CAPZA2: variants seen among roughly 807,000 people sequenced by gnomAD.
The protein encoded by CAPZA2 is F-actin-capping protein subunit alpha-2.
Under a neutral mutation model 44.0 loss-of-function variants are expected in CAPZA2, and 13 were observed. That is an observed-to-expected ratio of 0.30 (90% CI 0.19 to 0.47). The LOEUF (loss-of-function observed/expected upper bound fraction) is 0.47, where lower values mean the gene tolerates loss of function less well. Ranked by LOEUF, CAPZA2 falls within the 20% of genes least tolerant of loss-of-function variation. The pLI, the probability that CAPZA2 is intolerant of heterozygous loss-of-function variation, is 1.00. For missense variants in CAPZA2, 244 were observed against 338.6 expected (o/e 0.72, Z 2.19); for synonymous variants, 94 against 108.2 (o/e 0.87, Z 0.81).
chr7:116,916,685 G>A (rs1335729024), intron 9 of CAPZA2, among the ~76,000 whole-genome samples: 1 of 151,958 alleles, frequency 6.6e-6, no homozygotes, highest in Non-Finnish European at 1.5e-5. Flanking sequence ...GAGTATCTCT[G>A]ATCTGAGTTG....
chr7:116,889,300 A>C (rs1050702311), intron 2 of CAPZA2, among the ~76,000 whole-genome samples: 3 of 152,222 alleles, frequency 2.0e-5, no homozygotes, highest in Non-Finnish European at 2.9e-5. Flanking sequence ...CTTCATATAC[A>C]TTTGAACTTC....
intron 1 of CAPZA2, among the ~76,000 whole-genome samples, chr7:116,869,387 TTA>T (rs549708620): frequency 7.9e-5 from 12 of 152,242 alleles, no homozygotes; most frequent in Non-Finnish European, 1.2e-4. Flanking sequence ...AGAACTTTTC[TTA>T]TACATTCTAA....
chr7:116,894,009 GA>G (rs1263143225), intron 3 of CAPZA2, among the ~76,000 whole-genome samples: 1 of 151,186 alleles, frequency 6.6e-6, no homozygotes, highest in East Asian at 1.9e-4. Flanking sequence ...TTCTTACAAA[GA>G]AAGTTTAGTA....
intron 9 of CAPZA2, among the ~76,000 whole-genome samples, chr7:116,916,605 A>G (rs553127201): frequency 6.6e-6 from 1 of 152,252 alleles, no homozygotes; most frequent in African/African-American, 2.4e-5. Context: ...CAGCCTGGTG[A>G]CAGAGCGAGA....
At position 116,892,999 on chromosome 7, in the gene CAPZA2, C is replaced by T; in HGVS notation, c.109C>T (p.Arg37Trp). ...GEFNEVFNDV[R>W]LLLNNDNLLR... Reference sequence around the variant, plus strand: ...ATAACATAATTGTTTTGCAGATGTTCGGTTACTGCTTAATAATGACAATCT... The same window carrying T: ...ATAACATAATTGTTTTGCAGATGTTTGGTTACTGCTTAATAATGACAATCT... The change falls in exon 3 of 10, where the codon CGG becomes TGG. Residue 37 changes from arginine to tryptophan, a missense_variant. Physicochemically the swap from Arg to Trp is moderately radical, Grantham distance 101. Transcript: ENST00000361183. 1 of 1,590,942 alleles carries T rather than the reference C, an allele frequency of 6.3e-7. No homozygotes were observed. Among genetic ancestry groups the T allele is most frequent in the Non-Finnish European group, 8.6e-7 (1 of 1,163,710 alleles).
intron 4 of CAPZA2, among the ~76,000 whole-genome samples, chr7:116,899,515 G>A (rs1796968080): frequency 6.6e-6 from 1 of 151,752 alleles, no homozygotes; most frequent in Non-Finnish European, 1.5e-5. Flanking sequence ...AGTTACGGGG[G>A]ACAAGCAAAG....
chr7:116,913,769 AT>A (rs10717939), intron 8 of CAPZA2, among the ~76,000 whole-genome samples: 32,122 of 87,822 alleles, frequency 0.37, 4,658 homozygotes, highest in South Asian at 0.44. Flanking sequence ...CACCCAGCTA[AT>A]TTTTTTTTTT....
Position 116,916,103 on chromosome 7 carries a change from C to A in CAPZA2, c.701C>A (p.Ala234Asp). Residue 234 changes from alanine (A) to aspartate (D), a missense_variant, in exon 9 of 10, where the codon GCT becomes GAT. By Grantham distance (126) the Ala-to-Asp change is moderately radical. Transcript: ENST00000361183. ...AAAGAATTTATAAAGATTGTAGAAG[C>A]TGCAGAAAATGAATACCAGGTATGA... Reference protein sequence around the residue: ...TAKEFIKIVEAAENEYQTAIS... With the variant: ...TAKEFIKIVEDAENEYQTAIS... 6.5e-7 allele frequency: 1 copy of A among 1,532,566 alleles called. No homozygotes were observed. The allele number at this position is 1,532,566 out of a possible 1,614,324, so 94.9% of individuals were successfully genotyped here.
chr7:116,916,899 G>T (rs972049094), intron 9 of CAPZA2, among the ~76,000 whole-genome samples: 2 of 152,272 alleles, frequency 1.3e-5, no homozygotes, highest in African/African-American at 2.4e-5. Flanking sequence ...TGCTCAACCT[G>T]TATCAGTCAA....
chr7:116,893,820 T>G (rs1378361786), intron 3 of CAPZA2, among the ~76,000 whole-genome samples: 2 of 152,234 alleles, frequency 1.3e-5, no homozygotes, highest in Non-Finnish European at 2.9e-5. Flanking sequence ...TAGGCAATTC[T>G]AAATCTTAAT....
intron 1 of CAPZA2, among the ~76,000 whole-genome samples, chr7:116,872,407 T>C (rs1283536916): frequency 6.6e-6 from 1 of 152,190 alleles, no homozygotes; most frequent in Non-Finnish European, 1.5e-5. Flanking sequence ...GAAGAATCAA[T>C]GTTGAGTTCT....
At chr7:116,898,261 T>A (rs1796952142) in intron 3 of CAPZA2, among the ~76,000 whole-genome samples, 1 of 149,998 alleles carries the variant, frequency 6.7e-6, no homozygotes, top group African/African-American at 2.5e-5. Context: ...CAACAGAATG[T>A]AATCTTTTTT....
chr7:116,913,083 G>A (rs1791618697), intron 8 of CAPZA2, among the ~76,000 whole-genome samples: 1 of 151,974 alleles, frequency 6.6e-6, no homozygotes, highest in African/African-American at 2.4e-5. Flanking sequence ...ATCTTTTGGG[G>A]GGAAATACCT....
At chr7:116,882,122 G>A (rs1390594311) in intron 1 of CAPZA2, among the ~76,000 whole-genome samples, 4 of 152,136 alleles carry the variant, frequency 2.6e-5, no homozygotes, top group Non-Finnish European at 5.9e-5. Flanking sequence ...GTGGTGTATG[G>A]CGAGTTTCCT....
chr7:116,904,100 A>C, intron 4 of CAPZA2, 77 bp from the exon 5 acceptor site: 1 of 836,162 alleles, frequency 1.2e-6, no homozygotes, highest in Non-Finnish European at 1.9e-6. Context: ...AAGAAGCTTA[A>C]ATGAGTGTAA....
At chr7:116,906,189 A>G (rs765468614) in intron 5 of CAPZA2, 74 bp from the exon 6 acceptor site, 53 of 1,562,654 alleles carry the variant, frequency 3.4e-5, no homozygotes, top group Non-Finnish European at 4.6e-5. Context: ...AATTTGCAGT[A>G]TTTTATAGAT....
chr7:116,874,774 A>T (rs1047948079), intron 1 of CAPZA2: 1 of 152,242 alleles, frequency 6.6e-6, no homozygotes, highest in Admixed American at 6.5e-5. Context: ...AAGGGAAGGG[A>T]CTGGGGAATT....
rs1791708092 is a variant in CAPZA2, at chr7:116,918,309, TA to T, written c.*445del. ...TGATGGATTTAGCCATATATGCTGC[TA>T]AAGAAATTGTCTACCTTTTCTTCCT... On this transcript the variant is annotated 3_prime_UTR_variant, in exon 10 of 10. Transcript: ENST00000361183. 1 of 155,650 alleles carries T rather than the reference TA, an allele frequency of 6.4e-6. No individual in the cohort carries two copies. Among genetic ancestry groups the T allele is most frequent in the African/African-American group, 2.4e-5 (1 of 41,480 alleles). 9.6% of individuals were successfully genotyped at this position (155,650 alleles called of 1,614,324 possible).
rs1289800924 is a variant in CAPZA2 at position 116,919,708 on chromosome 7, A to G, written c.*1841A>G. ...GTGAAACCCTGTCTCTACTAAAAAT[A>G]CAAAAAATTAGCCGGGTGTGGTGAC... On this transcript the variant is annotated 3_prime_UTR_variant, in exon 10 of 10. Transcript: ENST00000361183. 3 of 150,558 alleles carry G rather than the reference A, an allele frequency of 2.0e-5. No individual in the cohort carries two copies. The highest frequency in any genetic ancestry group is 7.4e-5 in the African/African-American group (3 of 40,716). 9.3% of individuals were successfully genotyped at this position (150,558 alleles called of 1,614,324 possible).
Sources: gnomAD v4.1 joint callset for allele counts (sites outside exome capture counted in the v4.1 genomes callset) on GRCh38, gnomAD v4.1.1 for gene constraint, MANE v1.5 for transcripts, NCBI Gene and HGNC (gene_info 2026-07-23, HGNC 2026-07-21) for gene names.